SPAG16: variants seen among roughly 807,000 people sequenced by gnomAD.
SPAG16 encodes the protein sperm associated antigen 16, also known as sperm-associated antigen 16 protein.
SPAG16 carries 86 observed loss-of-function variants against 80.4 expected under a neutral mutation model. The ratio of observed to expected loss-of-function variants is 1.07; its 90% confidence interval spans 0.90 to 1.28. The LOEUF (loss-of-function observed/expected upper bound fraction) is 1.28, where lower values mean the gene tolerates loss of function less well. Ranked by LOEUF, SPAG16 falls within the 50% of genes most tolerant of loss-of-function variation. The probability of loss-of-function intolerance (pLI) is 0.00; values close to 1 mark genes in which losing one functional copy is unlikely to be tolerated. For synonymous variants in SPAG16, 294 were observed against 265.9 expected (o/e 1.11, Z -1.03); for missense variants, 870 against 765.3 (o/e 1.14, Z -1.61).
chr2:214,366,595 T>C (rs1699497485), intron 15 of SPAG16, among the ~76,000 whole-genome samples: 1 of 152,200 alleles, frequency 6.6e-6, no homozygotes, highest in African/African-American at 2.4e-5. Context: ...TGGAATTTAA[T>C]GAATGTGTAT....
rs190465964 is a variant in SPAG16 at position 213,799,842 on chromosome 2, A to G, written c.1071-62643A>G. On this transcript the variant is annotated intron_variant, in intron 10 of 15. Coordinates refer to ENST00000331683, the MANE Select transcript of SPAG16 (RefSeq NM_024532.5). ...GTCAGAAATATGGAAGTCAATATCA[A>G]TAGGAAACATATAACTACTATAACA... Among the ~76,000 whole-genome samples the G allele has an allele frequency of 1.7e-3, 262 of 152,224 alleles. 1 individual carries two copies. Among genetic ancestry groups the G allele is most frequent in the African/African-American group, 6.0e-3 (249 of 41,544 alleles).
At chr2:213,909,648 T>C (rs185562575) in intron 11 of SPAG16, among the ~76,000 whole-genome samples, 1,582 of 152,218 alleles carry the variant, frequency 0.01, 35 homozygotes, top group African/African-American at 0.035. Context: ...ATTTAATAAA[T>C]GGTGCTGGGA....
rs1476951184 is a variant in SPAG16 at position 213,604,024 on chromosome 2, T to G, written c.1070+113934T>G. Among the ~76,000 whole-genome samples, 6 of 151,980 alleles carry G rather than the reference T, an allele frequency of 3.9e-5. No homozygotes were observed. In the South Asian group the frequency reaches 8.3e-4, roughly 21 times the overall value. ...CTGTATCCTCTGCCTCCTGAGTAGC[T>G]GGGATTACAGGCATGCACCACCACA... On this transcript the variant is annotated intron_variant, in intron 10 of 15. Transcript: ENST00000331683.
At chr2:213,523,053 G>A (rs553148131) in intron 10 of SPAG16, among the ~76,000 whole-genome samples, 1 of 152,104 alleles carries the variant, frequency 6.6e-6, no homozygotes, top group South Asian at 2.1e-4. Flanking sequence ...TAATTGATAT[G>A]GTTTGGCTGT....
At chr2:214,276,241 T>G (rs1692454321) in intron 15 of SPAG16, among the ~76,000 whole-genome samples, 1 of 152,224 alleles carries the variant, frequency 6.6e-6, no homozygotes. Context: ...GTCTTGGCTC[T>G]TTATCCAATT....
intron 12 of SPAG16, among the ~76,000 whole-genome samples, chr2:213,945,303 AAGTATATATATGTG>A (rs1483831548): frequency 6.9e-6 from 1 of 144,366 alleles, no homozygotes; most frequent in Non-Finnish European, 1.5e-5. Context: ...ATATATACAC[AAGTATATATATGTG>A]TGTGTTTGTG....
intron 10 of SPAG16, among the ~76,000 whole-genome samples, chr2:213,792,324 A>G (rs977506181): frequency 6.6e-6 from 1 of 152,150 alleles, no homozygotes; most frequent in African/African-American, 2.4e-5. Flanking sequence ...TAAAGGAGCA[A>G]CAGTTGTGCC....
Position 214,317,568 on chromosome 2 carries a change from A to C in SPAG16, c.1721-92572A>C, listed in dbSNP as rs111877788. ...AACATACTAGTAATTACTGCTAAAA[A>C]TAATGTAAAAAATGGAAGCTTTATT... On this transcript the variant is annotated intron_variant, in intron 15 of 15. Coordinates refer to ENST00000331683, the MANE Select transcript of SPAG16 (RefSeq NM_024532.5). 6.0e-4 allele frequency among the ~76,000 whole-genome samples: 91 copies of C among 152,368 alleles called. 1 individual carries two copies. In the Middle Eastern group the frequency reaches 0.01, roughly 17 times the overall value.
intron 12 of SPAG16, 135 bp from the exon 13 acceptor site, chr2:214,013,816 T>G: frequency 2.4e-6 from 2 of 821,864 alleles, no homozygotes; most frequent in Non-Finnish European, 3.7e-6. Context: ...AATTTTACTT[T>G]TAAAATGTTG....
intron 13 of SPAG16, among the ~76,000 whole-genome samples, chr2:214,037,804 T>C (rs1170242388): frequency 6.6e-6 from 1 of 151,952 alleles, no homozygotes; most frequent in Non-Finnish European, 1.5e-5. Flanking sequence ...TAGCAAAGTT[T>C]AATATTAACT....
At chr2:214,354,799 T>C (rs1223575283) in intron 15 of SPAG16, among the ~76,000 whole-genome samples, 1 of 152,126 alleles carries the variant, frequency 6.6e-6, no homozygotes, top group African/African-American at 2.4e-5. Context: ...GGCTCTCTGT[T>C]TGTCTGTTAT....
chr2:213,686,891 G>A (rs550033046), intron 10 of SPAG16, among the ~76,000 whole-genome samples: 7 of 151,626 alleles, frequency 4.6e-5, no homozygotes, highest in Non-Finnish European at 5.9e-5. Flanking sequence ...CACTGTTTTA[G>A]CCAGGGTGGT....
chr2:213,478,797 G>A (rs2073575743), intron 9 of SPAG16, among the ~76,000 whole-genome samples: 1 of 152,024 alleles, frequency 6.6e-6, no homozygotes, highest in African/African-American at 2.4e-5. Context: ...AAATCAAGGA[G>A]GCTTCACTTA....
chr2:213,688,095 T>C (rs1223324642), intron 10 of SPAG16, among the ~76,000 whole-genome samples: 1 of 152,132 alleles, frequency 6.6e-6, no homozygotes, highest in Admixed American at 6.5e-5. Context: ...GTGGGGCAGT[T>C]TGAACTTGGG....
intron 11 of SPAG16, among the ~76,000 whole-genome samples, chr2:213,896,401 A>C (rs1314874039): frequency 6.6e-6 from 1 of 151,954 alleles, no homozygotes; most frequent in Non-Finnish European, 1.5e-5. Context: ...TACCTAAAAA[A>C]AAATAGAACT....
chr2:214,149,075 G>GTATATATATATATATATA (rs368500543), intron 14 of SPAG16, 65 bp from the exon 15 acceptor site: 2 of 301,578 alleles, frequency 6.6e-6, no homozygotes, highest in Admixed American at 2.0e-4. Context: ...GTGTGTGTGT[G>GTATATATATATATATATA]TGTATATATA....
chr2:214,281,726 A>G (rs1692955726), intron 15 of SPAG16, among the ~76,000 whole-genome samples: 1 of 152,240 alleles, frequency 6.6e-6, no homozygotes, highest in Admixed American at 6.5e-5. Flanking sequence ...TGTCCATACA[A>G]AGACTTGTAC....
At chr2:213,853,822 A>C (rs1015452728) in intron 10 of SPAG16, among the ~76,000 whole-genome samples, 2 of 152,194 alleles carry the variant, frequency 1.3e-5, no homozygotes, top group Non-Finnish European at 2.9e-5. Context: ...GAACTTTGGG[A>C]TGACATCTTT....
rs192055236 is a variant in SPAG16, at chr2:214,322,319, G to T, written c.1721-87821G>T. Among the ~76,000 whole-genome samples, 175 of 152,136 alleles carry T rather than the reference G, an allele frequency of 1.2e-3. 2 individuals are homozygous for T. The highest frequency in any genetic ancestry group is 8.3e-4 in the South Asian group (4 of 4,812). On this transcript the variant is annotated intron_variant, in intron 15 of 15. Transcript: ENST00000331683. ...TGTTACATTTTTAAAACCACCCCAG[G>T]TGTTCTTGCTACTTGGTTTATCTCT...
Sources: gnomAD v4.1 joint callset for allele counts (sites outside exome capture counted in the v4.1 genomes callset) on GRCh38, gnomAD v4.1.1 for gene constraint, MANE v1.5 for transcripts, NCBI Gene and HGNC (gene_info 2026-07-23, HGNC 2026-07-21) for gene names.